TBL1X: variants seen among roughly 807,000 people sequenced by gnomAD.
TBL1X encodes the protein F-box-like/WD repeat-containing protein TBL1X.
A neutral mutation model predicts 50.7 loss-of-function variants in TBL1X; 10 were observed. That is an observed-to-expected ratio of 0.20 (90% CI 0.12 to 0.33). TBL1X has a LOEUF of 0.33. TBL1X is among the 10% of genes least tolerant of loss of function. TBL1X has a pLI of 1.00. For synonymous variants in TBL1X, 190 were observed against 214.7 expected, an observed-to-expected ratio of 0.88 and a Z score of 1.01; for missense variants, 340 against 504.4, an observed-to-expected ratio of 0.67 and a Z score of 3.12.
At chrX:9,497,273 GTGT>G (rs2081975563) in intron 1 of TBL1X, among the ~76,000 whole-genome samples, 1 of 109,549 alleles carries the variant, frequency 9.1e-6, no homozygotes, top group Admixed American at 9.8e-5. Context: ...GCTGGGTGTG[GTGT>G]TGTGTGCCTG....
Position 9,688,182 on chromosome X carries a change from G to A in TBL1X, c.523G>A (p.Ala175Thr). 2.5e-6 allele frequency: 3 copies of A among 1,198,352 alleles called. No homozygotes were observed. The highest frequency in any genetic ancestry group is 3.4e-6 in the Non-Finnish European group (3 of 888,836). The change falls in exon 7 of 18, where the codon GCC becomes ACC. Residue 175 changes from alanine to threonine, a missense_variant. Ala to Thr is a moderately conservative substitution (Grantham distance 58). Transcript: ENST00000645353. ...TGCGGCCACGGCAGCAGCGACAGCA[G>A]CCACCACGACCTCAGCCGGCGTTTC... ...AAAATAAATA[A>T]TTTSAGVSHQ...
intron 2 of TBL1X, among the ~76,000 whole-genome samples, chrX:9,514,312 A>T (rs1395785852): frequency 1.0e-5 from 1 of 97,237 alleles, no homozygotes; most frequent in African/African-American, 3.8e-5. Flanking sequence ...AAAACAAAAA[A>T]ACCCCACATG....
chrX:9,717,835 A>C lies in TBL1X; in HGVS notation c.*1589A>C, dbSNP rs747232388. On this transcript the variant is annotated 3_prime_UTR_variant, in exon 18 of 18. Coordinates refer to ENST00000645353, the MANE Select transcript of TBL1X (RefSeq NM_005647.4). ...CCTGAACGTGAATTATAGAGGTAGA[A>C]CGTCGCTAATAATTTCTGCCATCTT... The C allele has an allele frequency of 8.9e-6, 1 of 112,391 alleles. No individual in the cohort carries two copies. Among genetic ancestry groups the C allele is most frequent in the Non-Finnish European group, 1.9e-5 (1 of 53,314 alleles). 9.3% of individuals were successfully genotyped at this position (112,391 alleles called of 1,213,427 possible). A position where few individuals can be genotyped will look rare whatever the true frequency, so the allele number is the denominator to read the frequency against.
intron 1 of TBL1X, among the ~76,000 whole-genome samples, chrX:9,472,800 C>T (rs1191296007): frequency 9.1e-6 from 1 of 109,865 alleles, no homozygotes; most frequent in Non-Finnish European, 1.9e-5. Flanking sequence ...ATAGTCCCAG[C>T]TCCTTGGGAG....
intron 2 of TBL1X, among the ~76,000 whole-genome samples, chrX:9,592,778 C>T (rs746164275): frequency 8.9e-6 from 1 of 111,922 alleles, no homozygotes; most frequent in South Asian, 3.8e-4. Context: ...AAAGTCCATC[C>T]GTGTTATAGC....
intron 2 of TBL1X, among the ~76,000 whole-genome samples, chrX:9,576,706 A>C (rs57237096): frequency 3.0e-3 from 329 of 107,931 alleles, no homozygotes; most frequent in Middle Eastern, 0.014. Flanking sequence ...AAAAAAAAAA[A>C]AAAAAAAAAA....
chrX:9,547,402 C>T (rs940272247), intron 2 of TBL1X, among the ~76,000 whole-genome samples: 21 of 111,164 alleles, frequency 1.9e-4, no homozygotes, highest in African/African-American at 6.6e-4. Context: ...TCACTGCAAC[C>T]TCCACCTCCT....
intron 5 of TBL1X, among the ~76,000 whole-genome samples, chrX:9,661,994 G>A (rs967174003): frequency 9.0e-6 from 1 of 111,501 alleles, no homozygotes; most frequent in Non-Finnish European, 1.9e-5. Flanking sequence ...TTCAAGAGGG[G>A]TCCTGGGAGC....
intron 5 of TBL1X, among the ~76,000 whole-genome samples, chrX:9,675,275 T>A (rs1651139631): frequency 9.0e-6 from 1 of 111,320 alleles, no homozygotes; most frequent in Non-Finnish European, 1.9e-5. Context: ...TTGAGGAGAA[T>A]GCGCCATCTT....
At chrX:9,697,250 C>G (rs1251678459) in intron 11 of TBL1X, 119 bp from the exon 12 acceptor site, 2 of 916,146 alleles carry the variant, frequency 2.2e-6, no homozygotes, top group Non-Finnish European at 3.0e-6. Context: ...CACTCTCTAT[C>G]TCTATTGGAC....
intron 2 of TBL1X, among the ~76,000 whole-genome samples, chrX:9,629,380 GA>G (rs1385435801): frequency 8.9e-6 from 1 of 112,411 alleles, no homozygotes; most frequent in Non-Finnish European, 1.9e-5. Flanking sequence ...GCCCTTTAGA[GA>G]AAATGTGTAC....
intron 13 of TBL1X, 144 bp downstream of exon 13, chrX:9,705,258 C>A: frequency 1.0e-6 from 1 of 971,810 alleles, no homozygotes; most frequent in South Asian, 2.2e-5. Context: ...CATGGTTACC[C>A]CATGGTAACC....
chrX:9,532,588 C>T (rs956428538), intron 2 of TBL1X, among the ~76,000 whole-genome samples: 6 of 111,072 alleles, frequency 5.4e-5, no homozygotes, highest in Admixed American at 9.4e-5. Context: ...CGCAGCACCA[C>T]GTGCCGGGCG....
At position 9,716,304 on chromosome X, in the gene TBL1X, G is replaced by C; in HGVS notation, c.*58G>C. 8.8e-7 allele frequency: 1 copy of C among 1,136,092 alleles called. No individual in the cohort carries two copies. The highest frequency in any genetic ancestry group is 1.2e-6 in the Non-Finnish European group (1 of 835,771). 93.6% of individuals were successfully genotyped at this position (1,136,092 alleles called of 1,213,427 possible). A position where few individuals can be genotyped will look rare whatever the true frequency, so the allele number is the denominator to read the frequency against. On this transcript the variant is annotated 3_prime_UTR_variant, in exon 18 of 18. Transcript: ENST00000645353. ...CTAATGACCAGCCGTGAATGTGTAG[G>C]GTTGCAGCTCTATTCTCCAAAACTG...
chrX:9,616,383 TGAAAAAACAATTTTTTTCTAAA>T (rs1484094451), intron 2 of TBL1X, among the ~76,000 whole-genome samples: 1 of 112,012 alleles, frequency 8.9e-6, no homozygotes, highest in African/African-American at 3.2e-5. Flanking sequence ...AGTACTTGGT[TGAAAAAACAATTTTTTTCTAAA>T]GAAAAAAAAC....
chrX:9,488,250 C>T lies in TBL1X; in HGVS notation c.-200-13530C>T, dbSNP rs186481593. ...AAACAAAAACTATTATCTTACGGTTCTGAAGGCCAGAAGTCTGAAATGGGT... is the reference window on the plus strand; with the variant it reads ...AAACAAAAACTATTATCTTACGGTTTTGAAGGCCAGAAGTCTGAAATGGGT... On this transcript the variant is annotated intron_variant, in intron 1 of 17. Transcript: ENST00000645353. 2.4e-4 allele frequency among the ~76,000 whole-genome samples: 27 copies of T among 112,480 alleles called. No homozygotes were observed. In the East Asian group the frequency reaches 7.6e-3, roughly 32 times the overall value.
chrX:9,466,110 T>G (rs890655573), intron 1 of TBL1X, among the ~76,000 whole-genome samples: 19 of 108,654 alleles, frequency 1.7e-4, no homozygotes, highest in African/African-American at 6.3e-4. Context: ...CCTTGGCCCG[T>G]CGAGGGTCTG....
At chrX:9,523,013 G>A (rs1478195829) in intron 2 of TBL1X, among the ~76,000 whole-genome samples, 4 of 111,792 alleles carry the variant, frequency 3.6e-5, no homozygotes, top group Non-Finnish European at 5.6e-5. Context: ...GGCTTTGTAT[G>A]GGAAGAAAAT....
At chrX:9,692,354 G>A in intron 9 of TBL1X, 100 bp downstream of exon 9, 1 of 1,053,779 alleles carries the variant, frequency 9.5e-7, no homozygotes, top group Admixed American at 3.3e-5. Context: ...ATAGGAGGCA[G>A]GTGGTCCTGT....
Sources: allele counts gnomAD v4.1 joint callset (sites outside exome capture counted in the v4.1 genomes callset), GRCh38; gene constraint gnomAD v4.1.1; transcripts MANE v1.5; gene names NCBI Gene and HGNC (gene_info 2026-07-23, HGNC 2026-07-21).